MAP3K3: variants seen among roughly 807,000 people sequenced by gnomAD.
MAP3K3 encodes mitogen-activated protein kinase kinase kinase 3.
MAP3K3 carries 12 observed loss-of-function variants against 80.9 expected under a neutral mutation model. The ratio of observed to expected loss-of-function variants is 0.15; its 90% CI spans 0.10 to 0.24. The LOEUF is 0.24. MAP3K3 is among the 10% of genes least tolerant of loss of function. MAP3K3 has a pLI of 1.00. For missense variants in MAP3K3, 596 were observed against 834.7 expected (o/e 0.71, Z 3.52); for synonymous variants, 272 against 307.1 (o/e 0.89, Z 1.19).
At chr17:63,642,944 G>A (rs568875104) in intron 2 of MAP3K3, among the ~76,000 whole-genome samples, 2 of 151,790 alleles carry the variant, frequency 1.3e-5, no homozygotes, top group East Asian at 4.0e-4. Context: ...TTTTTGTAGA[G>A]ATGGCGTTTT....
intron 6 of MAP3K3, among the ~76,000 whole-genome samples, chr17:63,671,577 G>C (rs957038061): frequency 6.6e-6 from 1 of 152,072 alleles, no homozygotes; most frequent in African/African-American, 2.4e-5. Flanking sequence ...TCATAATCAT[G>C]CTAAGACATG....
intron 4 of MAP3K3, among the ~76,000 whole-genome samples, chr17:63,655,493 G>A (rs536061781): frequency 6.6e-6 from 1 of 152,206 alleles, no homozygotes; most frequent in African/African-American, 2.4e-5. Context: ...TGTGAGTTTT[G>A]TTTTTGTTTT....
Position 63,688,871 on chromosome 17 carries a change from C to T in MAP3K3, c.861C>T (p.Asp287=), listed in dbSNP as rs779050615. The stretch of plus-strand genomic sequence containing the variant: ...ACCACGTGTCTGTGCACCACAAGGA[C>T]TACAGTGATGGTGAGTTCTTCTTCA... ...RRYHVSVHHK[D]YSDGRRTFPR... The change falls in exon 10 of 16, where the codon GAC becomes GAT. Residue 287 remains aspartate, a synonymous_variant. Transcript: ENST00000361733. The T allele has an allele frequency of 2.5e-6, 4 of 1,613,244 alleles. No homozygotes were observed. The highest frequency in any genetic ancestry group is 1.1e-5 in the South Asian group (1 of 91,074).
intron 2 of MAP3K3, among the ~76,000 whole-genome samples, chr17:63,644,895 A>G (rs1254677462): frequency 2.0e-5 from 3 of 151,876 alleles, no homozygotes; most frequent in African/African-American, 7.3e-5. Context: ...CTTTATCTCT[A>G]TTATTTGCTG....
intron 6 of MAP3K3, among the ~76,000 whole-genome samples, chr17:63,676,383 A>G (rs1443476841): frequency 6.6e-6 from 1 of 152,162 alleles, no homozygotes. Flanking sequence ...TGGATATTTT[A>G]TCCCAGGGAA....
Position 63,666,855 on chromosome 17 carries a change from G to A in MAP3K3, c.382-85G>A, listed in dbSNP as rs2035008810. The A allele has an allele frequency of 2.7e-6, 4 of 1,499,860 alleles. No homozygotes were observed. In the East Asian group the frequency reaches 9.3e-5, roughly 35 times the overall value. The allele number at this position is 1,499,860 out of a possible 1,614,324, so 92.9% of individuals were successfully genotyped here. On this transcript the variant is annotated intron_variant, in intron 5 of 15. Transcript: ENST00000361733. Reference sequence around the variant, plus strand: ...AGCATGAAGGTGGCTGAGCCTGCAGGGAGTCCTTAGGAAAAGGGTGAGAAG... The same window carrying A: ...AGCATGAAGGTGGCTGAGCCTGCAGAGAGTCCTTAGGAAAAGGGTGAGAAG...
At chr17:63,664,234 G>A (rs983386161) in intron 5 of MAP3K3, among the ~76,000 whole-genome samples, 146 of 126,128 alleles carry the variant, frequency 1.2e-3, no homozygotes, top group Admixed American at 0.011. Flanking sequence ...GCGACAGAGC[G>A]AGACTCCGTC....
At chr17:63,688,493 G>A (rs1568153842) in intron 8 of MAP3K3, 34 bp from the exon 9 acceptor site, 2 of 1,569,284 alleles carry the variant, frequency 1.3e-6, no homozygotes. Context: ...GTGGAAGTGT[G>A]CGGGAGTCTG....
At position 63,693,961 on chromosome 17, in the gene MAP3K3, C is replaced by T. The variant is rs968309782; in HGVS notation, c.*184C>T. 38 of 550,806 alleles carry T rather than the reference C, an allele frequency of 6.9e-5. No homozygotes were observed. The highest frequency in any genetic ancestry group is 1.2e-4 in the Non-Finnish European group (37 of 316,806). The allele number at this position is 550,806 out of a possible 1,614,324, so 34.1% of individuals were successfully genotyped here. On this transcript the variant is annotated 3_prime_UTR_variant, in exon 16 of 16. Coordinates refer to ENST00000361733, the MANE Select transcript of MAP3K3 (RefSeq NM_002401.5). This position sits in a 1 kb window ranked among gnomAD's most constrained non-coding sequence, Gnocchi z 4.2. ...AGCCGGGGTGGGGTGGCTGCAGCCTCAGGACTGGGAGCCCCCAGCCTGTCA... is the reference window on the plus strand; with the variant it reads ...AGCCGGGGTGGGGTGGCTGCAGCCTTAGGACTGGGAGCCCCCAGCCTGTCA...
At chr17:63,652,748 T>C (rs2034684343) in intron 4 of MAP3K3, 92 bp downstream of exon 4, 1 of 772,606 alleles carries the variant, frequency 1.3e-6, no homozygotes. Flanking sequence ...TTTGTTCCTC[T>C]AATATCATCT....
Position 63,622,732 on chromosome 17 carries a change from CT to C in MAP3K3, c.-26del. On this transcript the variant is annotated 5_prime_UTR_variant, in exon 1 of 16. Transcript: ENST00000361733. ...GGCTGCGGAGGTGACACTCACGGAC[CT>C]TAGCCACCGCCGCCGCCATCGCCAC... is the stretch of plus-strand genomic sequence containing the variant. 3.9e-6 allele frequency: 2 copies of C among 512,622 alleles called. No homozygotes were observed. The highest frequency in any genetic ancestry group is 3.8e-6 in the Non-Finnish European group (1 of 266,358). 31.8% of individuals were successfully genotyped at this position (512,622 alleles called of 1,614,324 possible). A position where few individuals can be genotyped will look rare whatever the true frequency, so the allele number is the denominator to read the frequency against.
intron 2 of MAP3K3, among the ~76,000 whole-genome samples, chr17:63,633,410 T>C (rs535439031): frequency 1.3e-5 from 2 of 152,302 alleles, no homozygotes; most frequent in South Asian, 4.1e-4. Flanking sequence ...GGTTTTTAGC[T>C]ACCTTACAGT....
At chr17:63,629,004 T>C (rs1158608033) in intron 1 of MAP3K3, among the ~76,000 whole-genome samples, 12 of 152,170 alleles carry the variant, frequency 7.9e-5, no homozygotes, top group Admixed American at 7.2e-4. Flanking sequence ...TTTATCTCCA[T>C]TTTACAGATG....
Position 63,667,039 on chromosome 17 carries a change from A to C in MAP3K3, c.481A>C (p.Arg161=), listed in dbSNP as rs768845358. 1 of 1,610,242 alleles carries C rather than the reference A, an allele frequency of 6.2e-7. No individual in the cohort carries two copies. Among genetic ancestry groups the C allele is most frequent in the Non-Finnish European group, 8.5e-7 (1 of 1,179,184 alleles). Residue 161 remains arginine (R), a synonymous_variant, in exon 6 of 16, where the codon AGA becomes CGA. Transcript: ENST00000361733. ...TACTATCTACCAGCCCCCCGAGCCC[A>C]GAAGCAGGCACCTCTCTGTCAGTGA... is the stretch of plus-strand genomic sequence containing the variant. ...INTIYQPPEP[R]SRHLSVSSQN...
intron 5 of MAP3K3, among the ~76,000 whole-genome samples, chr17:63,665,575 G>C (rs1287210946): frequency 1.3e-5 from 2 of 152,142 alleles, no homozygotes; most frequent in East Asian, 3.9e-4. Flanking sequence ...CCTGCATTCA[G>C]GCAGGTGGCA....
Position 63,693,248 on chromosome 17 carries a change from G to T in MAP3K3, c.1653-301G>T, listed in dbSNP as rs115576692. 8.1e-3 allele frequency among the ~76,000 whole-genome samples: 1,240 copies of T among 152,298 alleles called. 21 individuals carry two copies. Among genetic ancestry groups the T allele is most frequent in the African/African-American group, 0.028 (1,159 of 41,548 alleles). On this transcript the variant is annotated intron_variant, in intron 15 of 15. Transcript: ENST00000361733. The surrounding 1 kb of genome is among the most constrained non-coding windows in gnomAD (Gnocchi z 4.2). ...GATGATACATTTGTGTTGTTTTCCT[G>T]CCTCTAAGTTTGTGGTCATTTGTTA... is the stretch of plus-strand genomic sequence containing the variant.
At position 63,688,875 on chromosome 17, in the gene MAP3K3, A is replaced by G; in HGVS notation, c.865A>G (p.Ser289Gly). 12 of 1,612,394 alleles carry G rather than the reference A, an allele frequency of 7.4e-6. 1 individual carries two copies. The highest frequency in any genetic ancestry group is 1.1e-5 in the South Asian group (1 of 91,050). ...CGTGTCTGTGCACCACAAGGACTAC[A>G]GTGATGGTGAGTTCTTCTTCACCTG... The part of the protein sequence containing the change: ...YHVSVHHKDY[S>G]DGRRTFPRIR... The change falls in exon 10 of 16, where the codon AGT becomes GGT. Residue 289 changes from serine (S) to glycine (G), a missense_variant. Physicochemically the swap from Ser to Gly is moderately conservative, Grantham distance 56 (BLOSUM62 0). Around this residue, in one of 2 missense-constraint regions of MAP3K3, gnomAD observed 364 missense variants for 588.9 expected, o/e 0.62. Transcript: ENST00000361733.
At position 63,652,800 on chromosome 17, in the gene MAP3K3, A is replaced by C. The variant is rs1022849916; in HGVS notation, c.267+144A>C. ...TAGACCCCCTTTTCTTAATTCCAAC[A>C]ACTGTGGGATCTCTGTTTTTTACTA... On this transcript the variant is annotated intron_variant, in intron 4 of 15. Coordinates refer to ENST00000361733, the MANE Select transcript of MAP3K3 (RefSeq NM_002401.5). The C allele has an allele frequency of 2.1e-5, 13 of 613,118 alleles. No homozygotes were observed. The African/African-American group carries it at 2.4e-4, about 11-fold the overall frequency. The allele number at this position is 613,118 out of a possible 1,614,324, so 38.0% of individuals were successfully genotyped here. A position where few individuals can be genotyped will look rare whatever the true frequency, so the allele number is the denominator to read the frequency against.
chr17:63,690,185 A>T (rs888634940), intron 11 of MAP3K3, 79 bp from the exon 12 acceptor site: 2 of 1,496,728 alleles, frequency 1.3e-6, no homozygotes, highest in African/African-American at 2.8e-5. Flanking sequence ...CCTGAGCCAG[A>T]GACCCTGTTC....
Sources: gnomAD v4.1 joint callset for allele counts (sites outside exome capture counted in the v4.1 genomes callset) on GRCh38, gnomAD v4.1.1 for gene constraint, gnomAD v4.1.1 regional missense constraint, Gnocchi (gnomAD v3.1) non-coding constraint, MANE v1.5 for transcripts, NCBI Gene and HGNC (gene_info 2026-07-23, HGNC 2026-07-21) for gene names.